GRIA2: variants seen among roughly 807,000 people sequenced by gnomAD.
GRIA2 encodes glutamate ionotropic receptor AMPA type subunit 2.
Under a neutral mutation model 97.3 loss-of-function variants are expected in GRIA2, and 14 were observed. The ratio of observed to expected loss-of-function variants is 0.14; its 90% CI spans 0.10 to 0.23. The LOEUF (loss-of-function observed/expected upper bound fraction) is 0.23. Among genes scored for constraint, GRIA2 ranks in the 10% least tolerant of loss-of-function variants. GRIA2 has a pLI of 1.00. For missense variants in GRIA2, 558 were observed against 1,069.8 expected (o/e 0.52, Z 6.67); for synonymous variants, 412 against 387.8 (o/e 1.06, Z -0.73).
chr4:157,309,766 A>G (rs963224623), intron 3 of GRIA2, among the ~76,000 whole-genome samples: 1 of 152,194 alleles, frequency 6.6e-6, no homozygotes, highest in Non-Finnish European at 1.5e-5. Flanking sequence ...TTCTTATAAT[A>G]TATGTCAAAA....
intron 2 of GRIA2, among the ~76,000 whole-genome samples, chr4:157,290,108 G>T (rs895453518): frequency 6.6e-6 from 1 of 151,820 alleles, no homozygotes; most frequent in Non-Finnish European, 1.5e-5. Flanking sequence ...TTACTTAAAA[G>T]AATAATGGTT....
chr4:157,279,483 G>A (rs1055080081), intron 2 of GRIA2, among the ~76,000 whole-genome samples: 2 of 152,082 alleles, frequency 1.3e-5, no homozygotes, highest in Non-Finnish European at 2.9e-5. Flanking sequence ...TTTTGGGGAA[G>A]TTGGGTGATA....
At chr4:157,354,970 G>C (rs1406712502) in intron 12 of GRIA2, among the ~76,000 whole-genome samples, 1 of 152,162 alleles carries the variant, frequency 6.6e-6, no homozygotes, top group Non-Finnish European at 1.5e-5. Context: ...TTCTAACTGT[G>C]CATGCAGTGG....
rs561457761 is a variant in GRIA2, at chr4:157,345,124, C to A, written c.2043+3662C>A. 2.0e-5 allele frequency among the ~76,000 whole-genome samples: 3 copies of A among 151,958 alleles called. No individual in the cohort carries two copies. The South Asian group carries it at 6.2e-4, about 32-fold the overall frequency. On this transcript the variant is annotated intron_variant, in intron 12 of 15. Transcript: ENST00000264426. ...AGCAAACCATATTATATTAATATTACTTTAGTAAAGTCAGTGAGTATGTAA... is the reference window on the plus strand; with the variant it reads ...AGCAAACCATATTATATTAATATTAATTTAGTAAAGTCAGTGAGTATGTAA...
intron 12 of GRIA2, among the ~76,000 whole-genome samples, chr4:157,355,680 A>G (rs1249817880): frequency 2.4e-5 from 2 of 84,088 alleles, no homozygotes; most frequent in African/African-American, 7.0e-5. Flanking sequence ...TTATATATTT[A>G]TTTATATATT....
intron 11 of GRIA2, among the ~76,000 whole-genome samples, chr4:157,338,016 A>ATG (rs1735371911): frequency 9.8e-5 from 1 of 10,186 alleles, no homozygotes; most frequent in Non-Finnish European, 3.4e-4. Flanking sequence ...GTGTATATAT[A>ATG]TATATATATA....
At chr4:157,248,732 C>T (rs866496490) in intron 2 of GRIA2, among the ~76,000 whole-genome samples, 221 of 134,248 alleles carry the variant, frequency 1.6e-3, no homozygotes, top group African/African-American at 5.8e-3. Flanking sequence ...TGTATATACA[C>T]GTATGTATAT....
At chr4:157,337,862 A>T (rs186418035) in intron 11 of GRIA2, among the ~76,000 whole-genome samples, 293 of 149,284 alleles carry the variant, frequency 2.0e-3, no homozygotes, top group African/African-American at 6.5e-3. Flanking sequence ...TGGGAATGAT[A>T]AAAAAAAATT....
rs1049073506 is a variant in GRIA2, at chr4:157,364,478, T to C, written c.*1047T>C. ...TTTTTGACATGTCTAAATATATATA[T>C]ATATAAAGAAATATTTGTTAACACA... On this transcript the variant is annotated 3_prime_UTR_variant, in exon 16 of 16. Coordinates refer to ENST00000264426, the MANE Select transcript of GRIA2 (RefSeq NM_001083619.3). The C allele has an allele frequency of 5.9e-5, 9 of 151,594 alleles. No homozygotes were observed. The highest frequency in any genetic ancestry group is 1.3e-4 in the Admixed American group (2 of 15,142). The allele number at this position is 151,594 out of a possible 1,614,324, so 9.4% of individuals were successfully genotyped here.
At chr4:157,334,172 T>C (rs1167540320) in intron 9 of GRIA2, 52 bp downstream of exon 9, 1 of 846,020 alleles carries the variant, frequency 1.2e-6, no homozygotes, top group Non-Finnish European at 2.1e-6. Context: ...ATGGCTAATA[T>C]CTGCAGGAGT....
intron 9 of GRIA2, 184 bp from the exon 10 acceptor site, chr4:157,335,487 A>G (rs1269501536): frequency 1.7e-6 from 1 of 586,158 alleles, no homozygotes; most frequent in Admixed American, 2.9e-5. Context: ...AGTGATAGAC[A>G]TTCCGAGGCT....
chr4:157,253,316 C>A (rs905339366), intron 2 of GRIA2, among the ~76,000 whole-genome samples: 1 of 151,932 alleles, frequency 6.6e-6, no homozygotes, highest in South Asian at 2.1e-4. Context: ...AGGGTTTTGC[C>A]ACGTTGCCAA....
At position 157,329,513 on chromosome 4, in the gene GRIA2, C is replaced by T. The variant is rs534772073; in HGVS notation, c.883-3306C>T. ...ATTAATTTGGGAAATACTAATTAAACAGTTAAACTGTTATTGCGGGATTTC... is the reference window on the plus strand; with the variant it reads ...ATTAATTTGGGAAATACTAATTAAATAGTTAAACTGTTATTGCGGGATTTC... On this transcript the variant is annotated intron_variant, in intron 6 of 15. Coordinates refer to ENST00000264426, the MANE Select transcript of GRIA2 (RefSeq NM_001083619.3). Among the ~76,000 whole-genome samples the T allele has an allele frequency of 2.0e-5, 3 of 151,914 alleles. No individual in the cohort carries two copies. The South Asian group carries it at 6.2e-4, about 31-fold the overall frequency.
intron 2 of GRIA2, among the ~76,000 whole-genome samples, chr4:157,231,288 C>T (rs1730007001): frequency 6.6e-6 from 1 of 152,170 alleles, no homozygotes; most frequent in South Asian, 2.1e-4. Context: ...ATCCGCCCAC[C>T]TCGGCCTCCC....
At chr4:157,240,288 T>G (rs908953025) in intron 2 of GRIA2, among the ~76,000 whole-genome samples, 1 of 152,268 alleles carries the variant, frequency 6.6e-6, no homozygotes, top group South Asian at 2.1e-4. Context: ...TTTTTCATCT[T>G]ACTGAGTATT....
chr4:157,257,657 T>C (rs1407241237), intron 2 of GRIA2, among the ~76,000 whole-genome samples: 1 of 152,112 alleles, frequency 6.6e-6, no homozygotes, highest in Non-Finnish European at 1.5e-5. Context: ...GAAGATAATT[T>C]ACTTTATTAA....
At chr4:157,342,223 G>C (rs148226050) in intron 12 of GRIA2, 12 of 982,100 alleles carry the variant, frequency 1.2e-5, no homozygotes, top group South Asian at 9.4e-5. Context: ...AAATATATTC[G>C]AATATATCTG....
intron 12 of GRIA2, among the ~76,000 whole-genome samples, chr4:157,357,144 A>G (rs1339474994): frequency 2.6e-5 from 4 of 152,090 alleles, no homozygotes; most frequent in Non-Finnish European, 5.9e-5. Context: ...ACTCTTTCTG[A>G]TATGTTTAAT....
chr4:157,355,893 T>TA (rs1736276811), intron 12 of GRIA2, among the ~76,000 whole-genome samples: 1 of 12,960 alleles, frequency 7.7e-5, no homozygotes, highest in Non-Finnish European at 1.2e-4. Context: ...ATTAATATAT[T>TA]TATATATAAA....
Sources: allele counts gnomAD v4.1 joint callset (sites outside exome capture counted in the v4.1 genomes callset), GRCh38; gene constraint gnomAD v4.1.1; transcripts MANE v1.5; gene names NCBI Gene and HGNC (gene_info 2026-07-23, HGNC 2026-07-21).